The following MLLT3 variants were observed in gnomAD, a reference collection of about 807,000 sequenced individuals.
MLLT3 encodes MLLT3 super elongation complex subunit, also known as protein AF-9.
MLLT3 carries 4 observed loss-of-function variants against 53.2 expected under a neutral mutation model. The observed-to-expected ratio is 0.08, with a 90% CI of 0.04 to 0.17. MLLT3 has a LOEUF of 0.17. Ranked by LOEUF, MLLT3 falls within the 10% of genes least tolerant of loss-of-function variation. The pLI is 1.00. For missense variants in MLLT3, 569 were observed against 684.0 expected (o/e 0.83, Z 1.87); for synonymous variants, 283 against 230.6 (o/e 1.23, Z -2.06).
At chr9:20,373,585 T>C (rs1363308350) in intron 5 of MLLT3, among the ~76,000 whole-genome samples, 1 of 152,180 alleles carries the variant, frequency 6.6e-6, no homozygotes. Flanking sequence ...AGAATTTTGG[T>C]GACTTGATCT....
intron 5 of MLLT3, among the ~76,000 whole-genome samples, chr9:20,402,435 T>C (rs1009636423): frequency 2.0e-5 from 3 of 152,276 alleles, no homozygotes; most frequent in African/African-American, 4.8e-5. Context: ...TATTTGTAGA[T>C]AGACTAAGAA....
At chr9:20,562,974 C>T (rs941406679) in intron 2 of MLLT3, among the ~76,000 whole-genome samples, 95 of 152,142 alleles carry the variant, frequency 6.2e-4, no homozygotes, top group African/African-American at 2.2e-3. Flanking sequence ...CTTCTAGGAA[C>T]ACCTACCGTC....
At chr9:20,379,815 C>A (rs2118692884) in intron 5 of MLLT3, among the ~76,000 whole-genome samples, 1 of 152,000 alleles carries the variant, frequency 6.6e-6, no homozygotes, top group East Asian at 1.9e-4. Flanking sequence ...AATCAGAGTC[C>A]CACTTTTGGA....
chr9:20,466,818 G>A (rs916204330), intron 2 of MLLT3, among the ~76,000 whole-genome samples: 2 of 152,170 alleles, frequency 1.3e-5, no homozygotes, highest in Non-Finnish European at 2.9e-5. Flanking sequence ...AGTGTTATAG[G>A]AGGTTGCTCA....
intron 2 of MLLT3, among the ~76,000 whole-genome samples, chr9:20,521,456 A>G (rs1010147000): frequency 6.1e-5 from 7 of 114,118 alleles, no homozygotes; most frequent in East Asian, 2.5e-4. Flanking sequence ...CTGTGTGTGT[A>G]TATGTGTGTG....
chr9:20,580,280 TTAA>T (rs1370747841), intron 2 of MLLT3, among the ~76,000 whole-genome samples: 2 of 152,176 alleles, frequency 1.3e-5, no homozygotes, highest in Non-Finnish European at 2.9e-5. Context: ...TTTATGGAAA[TTAA>T]TAATAATTTC....
rs1820869526 is a variant in MLLT3 at position 20,346,394 on chromosome 9, C to CAAAAAAAAAAAAAAAAAAAAAAAAAAAAA, written c.*48_*49insTTTTTTTTTTTTTTTTTTTTTTTTTTTTT. 1 of 1,207,546 alleles carries CAAAAAAAAAAAAAAAAAAAAAAAAAAAAA rather than the reference C, an allele frequency of 8.3e-7. No individual in the cohort carries two copies. 74.8% of individuals were successfully genotyped at this position (1,207,546 alleles called of 1,614,324 possible). A position where few individuals can be genotyped will look rare whatever the true frequency, so the allele number is the denominator to read the frequency against. On this transcript the variant is annotated 3_prime_UTR_variant, in exon 11 of 11. Coordinates refer to ENST00000380338, the MANE Select transcript of MLLT3 (RefSeq NM_004529.4). ...AAATCACAACCAAAAAAAAAAAAAACCAAAAAAAAAAAACACAATAGTTCT... is the reference window on the plus strand; with the variant it reads ...AAATCACAACCAAAAAAAAAAAAAACAAAAAAAAAAAAAAAAAAAAAAAAAAAAACAAAAAAAAAAAACACAATAGTTCT...
chr9:20,587,497 C>G (rs1820004648), intron 2 of MLLT3, among the ~76,000 whole-genome samples: 1 of 151,692 alleles, frequency 6.6e-6, no homozygotes, highest in African/African-American at 2.4e-5. Flanking sequence ...CCTACTCTTT[C>G]CACTTCACAA....
At chr9:20,619,469 T>G (rs1820932300) in intron 2 of MLLT3, among the ~76,000 whole-genome samples, 1 of 152,240 alleles carries the variant, frequency 6.6e-6, no homozygotes, top group Admixed American at 6.5e-5. Context: ...GCCCCCTGAA[T>G]GTTCAATAAT....
intron 2 of MLLT3, among the ~76,000 whole-genome samples, chr9:20,546,776 GA>G (rs943649768): frequency 6.6e-6 from 1 of 152,252 alleles, no homozygotes; most frequent in Non-Finnish European, 1.5e-5. Context: ...CTGTCCCGTG[GA>G]ACAGGCAGGG....
At chr9:20,582,924 GT>G (rs1287160279) in intron 2 of MLLT3, among the ~76,000 whole-genome samples, 1 of 152,136 alleles carries the variant, frequency 6.6e-6, no homozygotes, top group East Asian at 1.9e-4. Flanking sequence ...AAAATCTCAT[GT>G]TCTCACATTT....
At chr9:20,542,854 T>G (rs536781261) in intron 2 of MLLT3, among the ~76,000 whole-genome samples, 50 of 152,348 alleles carry the variant, frequency 3.3e-4, no homozygotes, top group African/African-American at 1.2e-3. Flanking sequence ...AATCTGTTGT[T>G]TAGTGTAGCC....
In MLLT3 at chr9:20,529,370, G is replaced by A. The variant is rs558836819; in HGVS notation, c.194-72584C>T. Among the ~76,000 whole-genome samples the A allele has an allele frequency of 6.6e-5, 10 of 152,200 alleles. No homozygotes were observed. In the East Asian group the frequency reaches 1.3e-3, roughly 21 times the overall value. ...GAGAAAAGATTCCTTTAAAAATCAC[G>A]TTTGTAACTTAATTTGAAAATATGT... On this transcript the variant is annotated intron_variant, in intron 2 of 10. Transcript: ENST00000380338.
chr9:20,507,085 CG>C (rs1825400238), intron 2 of MLLT3, among the ~76,000 whole-genome samples: 1 of 152,084 alleles, frequency 6.6e-6, no homozygotes, highest in African/African-American at 2.4e-5. Context: ...TGGCTTAATG[CG>C]AAAGTGAGTA....
At chr9:20,582,814 G>A (rs1007835631) in intron 2 of MLLT3, among the ~76,000 whole-genome samples, 5 of 152,090 alleles carry the variant, frequency 3.3e-5, no homozygotes, top group Non-Finnish European at 7.4e-5. Flanking sequence ...ACTTCCCCCT[G>A]GGTCCCTCCT....
intron 5 of MLLT3, among the ~76,000 whole-genome samples, chr9:20,408,507 G>A (rs1053007075): frequency 6.6e-6 from 1 of 152,090 alleles, no homozygotes; most frequent in Non-Finnish European, 1.5e-5. Flanking sequence ...TTTACCAGAG[G>A]AAGAACTGTA....
At chr9:20,515,175 T>C (rs1359721326) in intron 2 of MLLT3, among the ~76,000 whole-genome samples, 1 of 152,096 alleles carries the variant, frequency 6.6e-6, no homozygotes, top group African/African-American at 2.4e-5. Flanking sequence ...CTCAAACTCC[T>C]GACCTCGTGA....
At chr9:20,538,949 A>T (rs1818555685) in intron 2 of MLLT3, among the ~76,000 whole-genome samples, 1 of 152,238 alleles carries the variant, frequency 6.6e-6, no homozygotes, top group Admixed American at 6.5e-5. Flanking sequence ...AAAAATGTAC[A>T]TGCCTTAACT....
chr9:20,469,724 G>GAAA (rs35047538), intron 2 of MLLT3, among the ~76,000 whole-genome samples: 2 of 137,856 alleles, frequency 1.5e-5, no homozygotes, highest in Admixed American at 7.3e-5. Flanking sequence ...GTGCAATCAG[G>GAAA]AAAAAAAAAA....
Sources: allele counts gnomAD v4.1 joint callset (sites outside exome capture counted in the v4.1 genomes callset), GRCh38; gene constraint gnomAD v4.1.1; transcripts MANE v1.5; gene names NCBI Gene and HGNC (gene_info 2026-07-23, HGNC 2026-07-21).